The following USP47 variants were observed in gnomAD, a reference collection of about 807,000 sequenced individuals.
The protein encoded by USP47 is ubiquitin carboxyl-terminal hydrolase 47.
A neutral mutation model predicts 165.1 loss-of-function variants in USP47; 35 were observed. The observed-to-expected ratio is 0.21, with a 90% CI of 0.16 to 0.28. The LOEUF (loss-of-function observed/expected upper bound fraction) is 0.28. USP47 is among the 10% of genes least tolerant of loss of function. USP47 has a pLI of 1.00. For missense variants in USP47, 1,277 were observed against 1,607.4 expected (o/e 0.79, Z 3.52); for synonymous variants, 531 against 544.5 (o/e 0.98, Z 0.35).
At chr11:11,851,495 A>G (rs1175927343) in intron 1 of USP47, among the ~76,000 whole-genome samples, 1 of 152,170 alleles carries the variant, frequency 6.6e-6, no homozygotes, top group Non-Finnish European at 1.5e-5. Context: ...GTATTTACAC[A>G]AGAATTGCGG....
At chr11:11,910,588 A>G (rs1187935862) in intron 8 of USP47, among the ~76,000 whole-genome samples, 2 of 151,944 alleles carry the variant, frequency 1.3e-5, no homozygotes, top group African/African-American at 4.8e-5. Context: ...GGGGTGTAGT[A>G]CTGAGATACT....
At position 11,871,629 on chromosome 11, in the gene USP47, T is replaced by C. The variant is rs76277953; in HGVS notation, c.40-8548T>C. On this transcript the variant is annotated intron_variant, in intron 1 of 27. Transcript: ENST00000527733. ...CTCAGGCACTCTCTTTACACACATA[T>C]GCTGATGAGAAATCAGCCAAACACT... Among the ~76,000 whole-genome samples the C allele has an allele frequency of 4.5e-3, 680 of 151,050 alleles. 5 individuals carry two copies. Among genetic ancestry groups the C allele is most frequent in the African/African-American group, 0.014 (584 of 41,344 alleles).
intron 9 of USP47, 24 bp downstream of exon 9, chr11:11,920,275 A>T (rs1277379984): frequency 6.2e-7 from 1 of 1,606,472 alleles, no homozygotes; most frequent in Non-Finnish European, 8.5e-7. Flanking sequence ...AGAGATTAAT[A>T]CTTAGGAATC....
In USP47 at chr11:11,957,944, T is replaced by G. The variant is rs1847280143; in HGVS notation, c.*1769T>G. 6.6e-6 allele frequency: 1 copy of G among 152,226 alleles called. No individual in the cohort carries two copies. The highest frequency in any genetic ancestry group is 2.4e-5 in the African/African-American group (1 of 41,460). 9.4% of individuals were successfully genotyped at this position (152,226 alleles called of 1,614,324 possible). A position where few individuals can be genotyped will look rare whatever the true frequency, so the allele number is the denominator to read the frequency against. ...ATTTGACTGAAGTAATGTTCTGAGT[T>G]TGCATTAGTGGGATTGGTGATGTTC... On this transcript the variant is annotated 3_prime_UTR_variant, in exon 28 of 28. Transcript: ENST00000527733.
chr11:11,918,011 C>T, intron 8 of USP47, among the ~76,000 whole-genome samples: 1 of 152,128 alleles, frequency 6.6e-6, no homozygotes, highest in Admixed American at 6.6e-5. Context: ...TATCTCCTTA[C>T]AGATTGCTTA....
intron 1 of USP47, among the ~76,000 whole-genome samples, chr11:11,877,793 C>CTG: frequency 1.8e-5 from 1 of 55,512 alleles, no homozygotes. Context: ...CTCTCTTTCT[C>CTG]TCTCTCTCTC....
At chr11:11,849,236 C>A (rs1848596909) in intron 1 of USP47, among the ~76,000 whole-genome samples, 1 of 152,224 alleles carries the variant, frequency 6.6e-6, no homozygotes, top group Non-Finnish European at 1.5e-5. Context: ...ATAATGACTC[C>A]ATTTTCACCA....
chr11:11,865,246 C>T (rs1317801971), intron 1 of USP47, among the ~76,000 whole-genome samples: 2 of 151,956 alleles, frequency 1.3e-5, no homozygotes, highest in Non-Finnish European at 2.9e-5. Context: ...ACTTTTTAAA[C>T]CTGCCCTCTT....
At chr11:11,866,249 T>C (rs1849671494) in intron 1 of USP47, among the ~76,000 whole-genome samples, 1 of 152,192 alleles carries the variant, frequency 6.6e-6, no homozygotes, top group African/African-American at 2.4e-5. Flanking sequence ...TGACCAAAGA[T>C]TGAACACTGA....
chr11:11,902,638 T>G (rs1361053777), intron 5 of USP47, 77 bp from the exon 6 acceptor site: 2 of 1,078,392 alleles, frequency 1.9e-6, no homozygotes, highest in East Asian at 5.8e-5. Flanking sequence ...CTTACATTAT[T>G]ATGATTTTGA....
At chr11:11,857,743 A>G (rs72856347) in intron 1 of USP47, among the ~76,000 whole-genome samples, 19,472 of 152,282 alleles carry the variant, frequency 0.13, 1,591 homozygotes, top group Middle Eastern at 0.39. Flanking sequence ...TGCGTGGCAG[A>G]TGGAAAATTG....
chr11:11,937,588 T>G (rs1047517584), intron 17 of USP47, among the ~76,000 whole-genome samples: 3 of 150,206 alleles, frequency 2.0e-5, no homozygotes, highest in Non-Finnish European at 4.5e-5. Context: ...TTTTTTTTTT[T>G]GCTAGACAAG....
intron 1 of USP47, among the ~76,000 whole-genome samples, chr11:11,869,297 T>C (rs552346477): frequency 7.2e-4 from 109 of 151,622 alleles, no homozygotes; most frequent in East Asian, 1.2e-3. Context: ...TAATATAAGA[T>C]GGAGAGTTAG....
At chr11:11,936,218 C>A in intron 16 of USP47, 85 bp from the exon 17 acceptor site, 1 of 722,604 alleles carries the variant, frequency 1.4e-6, no homozygotes, top group Non-Finnish European at 1.8e-6. Context: ...CCCCAACAGA[C>A]TAAAACACTG....
chr11:11,884,932 G>A (rs1196632986), intron 3 of USP47, among the ~76,000 whole-genome samples: 10 of 152,140 alleles, frequency 6.6e-5, no homozygotes, highest in Admixed American at 4.6e-4. Context: ...CATTTGCTTG[G>A]TTGCTGTAAA....
At chr11:11,899,932 T>G (rs1342993862) in intron 5 of USP47, among the ~76,000 whole-genome samples, 1 of 151,910 alleles carries the variant, frequency 6.6e-6, no homozygotes, top group Non-Finnish European at 1.5e-5. Flanking sequence ...GGATAGACTA[T>G]CCACAGAGTA....
chr11:11,910,066 A>G (rs550189023), intron 8 of USP47, among the ~76,000 whole-genome samples: 1 of 152,304 alleles, frequency 6.6e-6, no homozygotes, highest in Non-Finnish European at 1.5e-5. Flanking sequence ...AGGAATGTGT[A>G]TGGTTGGACA....
At chr11:11,856,970 A>C (rs1281118547) in intron 1 of USP47, 1 of 152,212 alleles carries the variant, frequency 6.6e-6, no homozygotes, top group East Asian at 1.9e-4. Flanking sequence ...TGTTGGTGGC[A>C]GTCACAGTGC....
chr11:11,922,795 G>A lies in USP47; in HGVS notation c.1290G>A (p.Met430Ile), dbSNP rs1853928495. 6.2e-7 allele frequency: 1 copy of A among 1,611,682 alleles called. No homozygotes were observed. The change falls in exon 11 of 28, where the codon ATG (methionine) becomes ATA (isoleucine). Residue 430 changes from methionine (M) to isoleucine (I), a missense_variant. Coordinates refer to ENST00000527733, the MANE Select transcript of USP47 (RefSeq NM_001282659.2). Reference sequence around the variant, plus strand: ...AAGGTAGTTGTCACAGTGATCAGATGAGCAACGATTTCTCCAATGATGATG... The same window carrying A: ...AAGGTAGTTGTCACAGTGATCAGATAAGCAACGATTTCTCCAATGATGATG... Reference protein sequence around the residue: ...ENEGSCHSDQMSNDFSNDDGV... With the variant: ...ENEGSCHSDQISNDFSNDDGV...
Sources: allele counts gnomAD v4.1 joint callset (sites outside exome capture counted in the v4.1 genomes callset), GRCh38; gene constraint gnomAD v4.1.1; transcripts MANE v1.5; gene names NCBI Gene and HGNC (gene_info 2026-07-23, HGNC 2026-07-21).